CSMD3: variants seen among roughly 807,000 people sequenced by gnomAD.
CSMD3 encodes the protein CUB and sushi domain-containing protein 3.
A neutral mutation model predicts 435.2 loss-of-function variants in CSMD3; 177 were observed. That is an observed-to-expected ratio of 0.41 (90% CI 0.36 to 0.46). CSMD3 has a LOEUF of 0.46. Among genes scored for constraint, CSMD3 ranks in the 20% least tolerant of loss-of-function variants. The pLI is 0.34. For missense variants in CSMD3, 4,265 were observed against 4,504.6 expected, an observed-to-expected ratio of 0.95 and a Z score of 1.52; for synonymous variants, 1,656 against 1,520.5, an observed-to-expected ratio of 1.09 and a Z score of -2.07.
At chr8:112,393,922 T>G (rs1392617019) in intron 35 of CSMD3, among the ~76,000 whole-genome samples, 1 of 152,090 alleles carries the variant, frequency 6.6e-6, no homozygotes, top group Non-Finnish European at 1.5e-5. Flanking sequence ...TCTTTGTAAC[T>G]TTGTCTTAGG....
chr8:112,674,829 C>T (rs1183935455), intron 16 of CSMD3, among the ~76,000 whole-genome samples: 1 of 152,082 alleles, frequency 6.6e-6, no homozygotes, highest in East Asian at 1.9e-4. Context: ...CTCAATTTGG[C>T]TTGAAGATAA....
chr8:112,403,087 T>C (rs1388408274), intron 35 of CSMD3, among the ~76,000 whole-genome samples: 1 of 152,184 alleles, frequency 6.6e-6, no homozygotes, highest in Admixed American at 6.5e-5. Flanking sequence ...AGCTGATTTA[T>C]CTCCTGTATT....
At chr8:112,638,967 G>T in intron 20 of CSMD3, 56 bp from the exon 21 acceptor site, 5 of 1,217,420 alleles carry the variant, frequency 4.1e-6, no homozygotes, top group Non-Finnish European at 3.6e-6. Flanking sequence ...AACACAGAGA[G>T]TTACTGTCAA....
intron 38 of CSMD3, among the ~76,000 whole-genome samples, chr8:112,357,659 G>A (rs1369354834): frequency 6.6e-6 from 1 of 152,180 alleles, no homozygotes; most frequent in Non-Finnish European, 1.5e-5. Flanking sequence ...CTAGGGACTT[G>A]ATGACCTTCA....
At chr8:112,937,057 C>T (rs575593337) in intron 9 of CSMD3, among the ~76,000 whole-genome samples, 1 of 151,994 alleles carries the variant, frequency 6.6e-6, no homozygotes, top group Non-Finnish European at 1.5e-5. Context: ...ATAAGGTGTG[C>T]ACAGGGTATT....
chr8:112,384,481 C>T lies in CSMD3; in HGVS notation c.5935-818G>A, dbSNP rs762996382. ...AGAACCCACAGGACCCTCACAACTA[C>T]GGATGCTACCTATTTTGCTATTTCT... On this transcript the variant is annotated intron_variant, in intron 36 of 70. Coordinates refer to ENST00000297405, the MANE Select transcript of CSMD3 (RefSeq NM_198123.2). Among the ~76,000 whole-genome samples the T allele has an allele frequency of 5.2e-4, 79 of 152,240 alleles. 1 individual carries two copies. The highest frequency in any genetic ancestry group is 6.5e-4 in the Admixed American group (10 of 15,290).
rs1022615028 is a variant in CSMD3 at position 113,179,538 on chromosome 8, C to T, written c.515-5622G>A. 7.2e-5 allele frequency among the ~76,000 whole-genome samples: 11 copies of T among 151,792 alleles called. No homozygotes were observed. The East Asian group carries it at 1.9e-3, about 27-fold the overall frequency. ...ACTTTCAGCAGAAAATTTGTATAAACAAATTCACAGAAAGTCCCCTATAGG... is the reference window on the plus strand; with the variant it reads ...ACTTTCAGCAGAAAATTTGTATAAATAAATTCACAGAAAGTCCCCTATAGG... On this transcript the variant is annotated intron_variant, in intron 3 of 70. Transcript: ENST00000297405.
At chr8:112,912,787 G>A (rs1436175016) in intron 10 of CSMD3, among the ~76,000 whole-genome samples, 1 of 151,874 alleles carries the variant, frequency 6.6e-6, no homozygotes, top group African/African-American at 2.4e-5. Flanking sequence ...AACATATGAA[G>A]TGAGAGAAAT....
intron 3 of CSMD3, among the ~76,000 whole-genome samples, chr8:113,233,395 T>G (rs1440921900): frequency 6.6e-6 from 1 of 150,802 alleles, no homozygotes; most frequent in African/African-American, 2.4e-5. Context: ...CATAAAATGT[T>G]CCTAGAAATT....
intron 1 of CSMD3, among the ~76,000 whole-genome samples, chr8:113,407,317 C>T (rs1040732059): frequency 6.6e-6 from 1 of 152,112 alleles, no homozygotes; most frequent in African/African-American, 2.4e-5. Flanking sequence ...AATAAGTCAT[C>T]AACACATGTC....
intron 46 of CSMD3, among the ~76,000 whole-genome samples, chr8:112,319,658 G>A (rs960585846): frequency 2.6e-5 from 4 of 152,048 alleles, no homozygotes; most frequent in African/African-American, 7.2e-5. Flanking sequence ...TACAGTTAAC[G>A]GCTTCAAATT....
chr8:112,702,385 CT>C, intron 13 of CSMD3, among the ~76,000 whole-genome samples: 1 of 152,072 alleles, frequency 6.6e-6, no homozygotes, highest in East Asian at 1.9e-4. Context: ...ATATGGTCCG[CT>C]TAATACATAA....
At chr8:113,222,008 G>A (rs1205785904) in intron 3 of CSMD3, among the ~76,000 whole-genome samples, 3 of 115,262 alleles carry the variant, frequency 2.6e-5, no homozygotes, top group African/African-American at 3.9e-5. Flanking sequence ...TGTTGACAAA[G>A]CAGTAAATGC....
At chr8:112,499,849 T>G (rs1353994287) in intron 30 of CSMD3, among the ~76,000 whole-genome samples, 2 of 152,212 alleles carry the variant, frequency 1.3e-5, no homozygotes, top group South Asian at 2.1e-4. Flanking sequence ...CCAGGCGTGG[T>G]GGCTTACGCC....
chr8:112,470,360 G>C (rs996696717), intron 32 of CSMD3, among the ~76,000 whole-genome samples: 1 of 152,028 alleles, frequency 6.6e-6, no homozygotes, highest in African/African-American at 2.4e-5. Flanking sequence ...AAAGAAGAAT[G>C]TGTATATGTG....
chr8:112,440,453 G>A (rs1814874539), intron 32 of CSMD3, among the ~76,000 whole-genome samples: 1 of 152,262 alleles, frequency 6.6e-6, no homozygotes, highest in South Asian at 2.1e-4. Context: ...CGCTCAAGCT[G>A]TCAATGGATC....
intron 12 of CSMD3, among the ~76,000 whole-genome samples, chr8:112,816,912 T>C (rs1273753922): frequency 7.9e-5 from 12 of 151,940 alleles, no homozygotes; most frequent in Non-Finnish European, 1.8e-4. Context: ...AAAGTGTTGT[T>C]AGCCTAAACT....
At chr8:112,561,148 C>T (rs989249302) in intron 24 of CSMD3, among the ~76,000 whole-genome samples, 3 of 151,598 alleles carry the variant, frequency 2.0e-5, no homozygotes, top group Non-Finnish European at 4.4e-5. Context: ...GTTGCTTATT[C>T]ATAAATATGC....
At chr8:112,783,279 A>G (rs955279734) in intron 13 of CSMD3, among the ~76,000 whole-genome samples, 1 of 151,716 alleles carries the variant, frequency 6.6e-6, no homozygotes, top group Non-Finnish European at 1.5e-5. Flanking sequence ...ATCATGGGCT[A>G]TAAGATATTA....
Sources: allele counts gnomAD v4.1 joint callset (sites outside exome capture counted in the v4.1 genomes callset), GRCh38; gene constraint gnomAD v4.1.1; transcripts MANE v1.5; gene names NCBI Gene and HGNC (gene_info 2026-07-23, HGNC 2026-07-21).